The following HS3ST4 variants were observed in gnomAD, a reference collection of about 807,000 sequenced individuals.
HS3ST4 encodes heparan sulfate-glucosamine 3-sulfotransferase 4.
HS3ST4 carries 17 observed loss-of-function variants against 29.2 expected under a neutral mutation model. That is an observed-to-expected ratio of 0.58 (90% CI 0.40 to 0.87). The LOEUF (loss-of-function observed/expected upper bound fraction) is 0.87, where lower values mean the gene tolerates loss of function less well. HS3ST4 is among the 40% of genes least tolerant of loss of function. The probability of loss-of-function intolerance (pLI) is 0.00; values close to 1 mark genes in which losing one functional copy is unlikely to be tolerated. For synonymous variants in HS3ST4, 314 were observed against 285.7 expected, an observed-to-expected ratio of 1.10 and a Z score of -1.00; for missense variants, 627 against 634.5, an observed-to-expected ratio of 0.99 and a Z score of 0.13.
chr16:25,773,134 G>A (rs1034624814), intron 1 of HS3ST4, among the ~76,000 whole-genome samples: 1 of 152,120 alleles, frequency 6.6e-6, no homozygotes, highest in African/African-American at 2.4e-5. Context: ...GCAACTAAAT[G>A]TCACACAAAA....
At chr16:25,782,420 T>C (rs1383951002) in intron 1 of HS3ST4, among the ~76,000 whole-genome samples, 1 of 152,224 alleles carries the variant, frequency 6.6e-6, no homozygotes, top group East Asian at 1.9e-4. Flanking sequence ...AGTTGTCTTT[T>C]TGCCTCTTGC....
intron 1 of HS3ST4, among the ~76,000 whole-genome samples, chr16:26,135,019 G>A (rs1898261338): frequency 6.7e-6 from 1 of 150,062 alleles, no homozygotes; most frequent in South Asian, 2.1e-4. Flanking sequence ...TATCTTTTTG[G>A]TTTTTTTTTC....
intron 1 of HS3ST4, among the ~76,000 whole-genome samples, chr16:26,075,423 C>T (rs1898650613): frequency 6.6e-6 from 1 of 152,280 alleles, no homozygotes; most frequent in South Asian, 2.1e-4. Context: ...TTCTAGCACT[C>T]AACTTGGAGC....
chr16:25,766,328 C>G (rs1966818996), intron 1 of HS3ST4, among the ~76,000 whole-genome samples: 1 of 152,078 alleles, frequency 6.6e-6, no homozygotes, highest in Non-Finnish European at 1.5e-5. Context: ...AGTGGCCAAT[C>G]AGTACAGAAG....
intron 1 of HS3ST4, among the ~76,000 whole-genome samples, chr16:25,927,750 G>A (rs916276332): frequency 6.6e-6 from 1 of 151,592 alleles, no homozygotes; most frequent in Non-Finnish European, 1.5e-5. Context: ...AAACCTGGAT[G>A]TTTATTGAAA....
chr16:26,071,342 GA>G (rs768239369), intron 1 of HS3ST4, among the ~76,000 whole-genome samples: 5 of 152,168 alleles, frequency 3.3e-5, no homozygotes, highest in Non-Finnish European at 5.9e-5. Flanking sequence ...GGGTTGTGGT[GA>G]AAAGTGCTGT....
chr16:26,111,959 G>A (rs538114099), intron 1 of HS3ST4, among the ~76,000 whole-genome samples: 4 of 148,734 alleles, frequency 2.7e-5, no homozygotes, highest in African/African-American at 9.9e-5. Flanking sequence ...GGAGGTTGCA[G>A]CAAGCCAAGA....
At chr16:25,924,749 A>G (rs1226224839) in intron 1 of HS3ST4, among the ~76,000 whole-genome samples, 1 of 152,120 alleles carries the variant, frequency 6.6e-6, no homozygotes, top group Admixed American at 6.5e-5. Flanking sequence ...CTGGACTTGA[A>G]GTGCACTTGC....
At chr16:25,739,348 C>T (rs1270468150) in intron 1 of HS3ST4, among the ~76,000 whole-genome samples, 1 of 152,016 alleles carries the variant, frequency 6.6e-6, no homozygotes, top group East Asian at 1.9e-4. Context: ...TCTCAAAAAA[C>T]ACACAAACAA....
At chr16:25,744,051 ATTC>A (rs1289571053) in intron 1 of HS3ST4, among the ~76,000 whole-genome samples, 1 of 152,194 alleles carries the variant, frequency 6.6e-6, no homozygotes, top group Non-Finnish European at 1.5e-5. Context: ...TTTTATCAGC[ATTC>A]TTCTTCAAAT....
At chr16:25,824,477 G>A (rs929703907) in intron 1 of HS3ST4, among the ~76,000 whole-genome samples, 1 of 152,228 alleles carries the variant, frequency 6.6e-6, no homozygotes, top group African/African-American at 2.4e-5. Flanking sequence ...GAAAAGTCAT[G>A]TCTTACATGG....
At chr16:25,984,127 A>G (rs895885431) in intron 1 of HS3ST4, among the ~76,000 whole-genome samples, 1 of 151,590 alleles carries the variant, frequency 6.6e-6, no homozygotes, top group Admixed American at 6.6e-5. Context: ...ACTATTGTTA[A>G]CTGTAGTAGT....
At chr16:25,880,209 C>T (rs944406208) in intron 1 of HS3ST4, among the ~76,000 whole-genome samples, 7 of 152,082 alleles carry the variant, frequency 4.6e-5, no homozygotes, top group African/African-American at 1.4e-4. Flanking sequence ...GTAGGTTGTT[C>T]GTGTCATTAA....
At chr16:25,752,397 T>C (rs1966727852) in intron 1 of HS3ST4, among the ~76,000 whole-genome samples, 1 of 152,114 alleles carries the variant, frequency 6.6e-6, no homozygotes, top group African/African-American at 2.4e-5. Flanking sequence ...CTTAGAGTTG[T>C]GTAAGAATGA....
intron 1 of HS3ST4, among the ~76,000 whole-genome samples, chr16:26,079,493 A>G (rs112347222): frequency 0.016 from 2,442 of 152,320 alleles, 57 homozygotes; most frequent in African/African-American, 0.054. Flanking sequence ...AACAGCAAAC[A>G]TTGATTGCAT....
intron 1 of HS3ST4, among the ~76,000 whole-genome samples, chr16:25,898,816 C>T (rs1009433070): frequency 6.6e-6 from 1 of 152,164 alleles, no homozygotes; most frequent in South Asian, 2.1e-4. Flanking sequence ...AGAGCAACAC[C>T]AAACCAAGAC....
intron 1 of HS3ST4, among the ~76,000 whole-genome samples, chr16:26,026,950 C>T (rs1596648868): frequency 6.6e-6 from 1 of 152,254 alleles, no homozygotes; most frequent in African/African-American, 2.4e-5. Context: ...GTAGGCTAAG[C>T]ATTTGGAAAA....
chr16:25,757,305 T>C (rs1230818486), intron 1 of HS3ST4, among the ~76,000 whole-genome samples: 1 of 152,184 alleles, frequency 6.6e-6, no homozygotes, highest in Admixed American at 6.5e-5. Flanking sequence ...TTTGTTCTAA[T>C]AAAACTTTTA....
intron 1 of HS3ST4, among the ~76,000 whole-genome samples, chr16:26,037,468 G>T (rs1451173309): frequency 6.6e-6 from 1 of 152,204 alleles, no homozygotes; most frequent in Non-Finnish European, 1.5e-5. Context: ...GCAACTCAGA[G>T]TAAGAGATAG....
Sources: gnomAD v4.1 joint callset for allele counts (sites outside exome capture counted in the v4.1 genomes callset) on GRCh38, gnomAD v4.1.1 for gene constraint, MANE v1.5 for transcripts, NCBI Gene and HGNC (gene_info 2026-07-23, HGNC 2026-07-21) for gene names.